CWC27: variants seen among roughly 807,000 people sequenced by gnomAD.
CWC27 encodes the protein spliceosome-associated protein CWC27 homolog.
In CWC27, 47 loss-of-function variants were observed where a neutral mutation model predicts 63.6. The ratio of observed to expected loss-of-function variants is 0.74; its 90% confidence interval spans 0.58 to 0.94. CWC27 has a LOEUF of 0.94. Among genes scored for constraint, CWC27 ranks in the 40% least tolerant of loss-of-function variants. The pLI is 0.00. For missense variants in CWC27, 495 were observed against 554.3 expected (o/e 0.89, Z 1.07); for synonymous variants, 175 against 179.8 (o/e 0.97, Z 0.22).
intron 11 of CWC27, among the ~76,000 whole-genome samples, chr5:64,923,325 A>G (rs1476374333): frequency 1.3e-5 from 2 of 152,036 alleles, no homozygotes; most frequent in African/African-American, 4.8e-5. Context: ...GGATGTACAG[A>G]TCAGACCTGT....
At chr5:64,995,205 C>T (rs1213471644) in intron 13 of CWC27, among the ~76,000 whole-genome samples, 2 of 151,956 alleles carry the variant, frequency 1.3e-5, no homozygotes, top group African/African-American at 2.4e-5. Flanking sequence ...CTCCTGGCCT[C>T]GAGCGATCCG....
chr5:64,842,615 A>G (rs1368994146), intron 10 of CWC27, among the ~76,000 whole-genome samples: 1 of 128,216 alleles, frequency 7.8e-6, no homozygotes, highest in Non-Finnish European at 1.7e-5. Flanking sequence ...TTTTTTTTTT[A>G]ATTAGATAGG....
At chr5:64,860,831 T>C (rs1243283719) in intron 10 of CWC27, among the ~76,000 whole-genome samples, 1 of 152,218 alleles carries the variant, frequency 6.6e-6, no homozygotes, top group Non-Finnish European at 1.5e-5. Context: ...TGAGTGCTCT[T>C]GGTATGTTAT....
intron 10 of CWC27, among the ~76,000 whole-genome samples, chr5:64,848,585 T>C (rs145880691): frequency 0.014 from 2,094 of 152,222 alleles, 28 homozygotes; most frequent in African/African-American, 0.038. Flanking sequence ...GCAAAAATCC[T>C]CAAGAAAATA....
rs61685920 is a variant in CWC27, at chr5:64,840,394, AATATATATATATATATATAT to A, written c.938+36026_938+36045del. Among the ~76,000 whole-genome samples the A allele has an allele frequency of 5.1e-3, 100 of 19,474 alleles. 3 individuals are homozygous for A. Among genetic ancestry groups the A allele is most frequent in the Non-Finnish European group, 6.8e-3 (74 of 10,950 alleles). 12.8% of individuals were successfully genotyped at this position (19,474 alleles called of 152,430 possible). A position where few individuals can be genotyped will look rare whatever the true frequency, so the allele number is the denominator to read the frequency against. On this transcript the variant is annotated intron_variant, in intron 10 of 13. Transcript: ENST00000381070. ...AAAAAAAAAAAAAAAAAAAAAAAAA[AATATATATATATATATATAT>A]ATATATATATATATATACTTATTAA...
chr5:64,781,929 G>A lies in CWC27; in HGVS notation c.148G>A (p.Asp50Asn), dbSNP rs1580587862. The change falls in exon 3 of 14, where the codon GAC becomes AAC. Residue 50 changes from aspartate to asparagine, a missense_variant. By Grantham distance (23) the Asp-to-Asn change is conservative (BLOSUM62 1). Coordinates refer to ENST00000381070, the MANE Select transcript of CWC27 (RefSeq NM_005869.4). ...TTTTATTTTTTTTTCAGCTTATTATGACAATACCATTTTTCATAGAGTTGT... is the reference window on the plus strand; with the variant it reads ...TTTTATTTTTTTTTCAGCTTATTATAACAATACCATTTTTCATAGAGTTGT... ...FIQLCLEAYYDNTIFHRVVPG... is the reference protein window; with the variant it reads ...FIQLCLEAYYNNTIFHRVVPG... 6.5e-7 allele frequency: 1 copy of A among 1,542,498 alleles called. No homozygotes were observed. Among genetic ancestry groups the A allele is most frequent in the Non-Finnish European group, 8.9e-7 (1 of 1,124,324 alleles).
chr5:64,885,809 A>C (rs977252528), intron 11 of CWC27, among the ~76,000 whole-genome samples: 1 of 151,062 alleles, frequency 6.6e-6, no homozygotes, highest in African/African-American at 2.4e-5. Context: ...TAAGAAGTAA[A>C]TTCAGTGCAA....
chr5:64,835,261 T>TA (rs1165300320), intron 10 of CWC27, among the ~76,000 whole-genome samples: 2 of 151,774 alleles, frequency 1.3e-5, no homozygotes, highest in African/African-American at 2.4e-5. Context: ...TTAGAAATTT[T>TA]AGTTTTCAAA....
intron 11 of CWC27, among the ~76,000 whole-genome samples, chr5:64,949,994 A>G (rs116581892): frequency 0.05 from 7,637 of 152,058 alleles, 452 homozygotes; most frequent in African/African-American, 0.14. Flanking sequence ...GTTTAAACTG[A>G]GTTGTGCTAT....
At chr5:64,979,602 A>ATATTATGAG (rs1488739156) in intron 13 of CWC27, among the ~76,000 whole-genome samples, 1 of 152,186 alleles carries the variant, frequency 6.6e-6, no homozygotes, top group Non-Finnish European at 1.5e-5. Flanking sequence ...TTTATAACAA[A>ATATTATGAG]TATTATGAGT....
At chr5:64,828,738 A>T (rs921812843) in intron 10 of CWC27, among the ~76,000 whole-genome samples, 3 of 152,140 alleles carry the variant, frequency 2.0e-5, no homozygotes, top group African/African-American at 7.2e-5. Context: ...TTGACAACCT[A>T]GGTCATCTGA....
chr5:65,009,454 C>T (rs1749905999), intron 13 of CWC27, among the ~76,000 whole-genome samples: 1 of 152,178 alleles, frequency 6.6e-6, no homozygotes, highest in African/African-American at 2.4e-5. Context: ...ATATGCAACA[C>T]ATAGACACAC....
chr5:64,964,677 C>A (rs1005006849), intron 11 of CWC27, among the ~76,000 whole-genome samples: 2 of 152,050 alleles, frequency 1.3e-5, no homozygotes, highest in Non-Finnish European at 2.9e-5. Context: ...AAAATTAGCC[C>A]AAGCTAAAAT....
At chr5:64,862,002 G>C (rs549393032) in intron 10 of CWC27, among the ~76,000 whole-genome samples, 59 of 152,288 alleles carry the variant, frequency 3.9e-4, no homozygotes, top group African/African-American at 1.3e-3. Context: ...CATTTTAGGG[G>C]AAAGTTTTGT....
intron 13 of CWC27, among the ~76,000 whole-genome samples, chr5:65,004,155 C>T (rs1749784597): frequency 6.6e-6 from 1 of 152,060 alleles, no homozygotes; most frequent in African/African-American, 2.4e-5. Context: ...TTGTCTTTCA[C>T]TTTTGACAGT....
chr5:64,998,652 A>C (rs993094515), intron 13 of CWC27, among the ~76,000 whole-genome samples: 2 of 152,150 alleles, frequency 1.3e-5, no homozygotes, highest in South Asian at 4.1e-4. Context: ...ATTCCTTTAA[A>C]GTTCAGAAAC....
intron 13 of CWC27, among the ~76,000 whole-genome samples, chr5:64,977,812 C>CAA (rs147468273): frequency 7.1e-6 from 1 of 141,806 alleles, no homozygotes. Flanking sequence ...CCTATACTGG[C>CAA]AAAAAAAAAA....
At chr5:64,934,620 T>C (rs534817833) in intron 11 of CWC27, among the ~76,000 whole-genome samples, 2 of 152,336 alleles carry the variant, frequency 1.3e-5, no homozygotes, top group African/African-American at 4.8e-5. Flanking sequence ...ATATACCCAG[T>C]AATGGGATTG....
intron 10 of CWC27, among the ~76,000 whole-genome samples, chr5:64,862,215 A>G (rs1482765022): frequency 1.3e-5 from 2 of 152,150 alleles, no homozygotes; most frequent in African/African-American, 4.8e-5. Context: ...CCTACCTGAC[A>G]ATGTAACTAC....
Sources: allele counts gnomAD v4.1 joint callset (sites outside exome capture counted in the v4.1 genomes callset), GRCh38; gene constraint gnomAD v4.1.1; transcripts MANE v1.5; gene names NCBI Gene and HGNC (gene_info 2026-07-23, HGNC 2026-07-21).